Variants in PRKN observed in about 807,000 individuals in gnomAD.
The protein encoded by PRKN is parkin RBR E3 ubiquitin protein ligase.
PRKN carries 56 observed loss-of-function variants against 59.5 expected under a neutral mutation model. The ratio of observed to expected loss-of-function variants is 0.94; its 90% CI spans 0.76 to 1.18. The LOEUF is 1.18. Among genes scored for constraint, PRKN ranks in the 50% most tolerant of loss-of-function variants. The pLI is 0.00. For missense variants in PRKN, 657 were observed against 596.4 expected (o/e 1.10, Z -1.06); for synonymous variants, 250 against 222.1 (o/e 1.13, Z -1.12).
At position 161,757,884 on chromosome 6, in the gene PRKN, T is replaced by TAC. The variant is rs1789010593; in HGVS notation, c.871+27887_871+27888insGT. Among the ~76,000 whole-genome samples, 5 of 97,842 alleles carry TAC rather than the reference T, an allele frequency of 5.1e-5. 1 individual carries two copies. In the South Asian group the frequency reaches 1.7e-3, roughly 34 times the overall value. The allele number at this position is 97,842 out of a possible 152,430, so 64.2% of individuals were successfully genotyped here. ...CTCTCTCTCTCTCTGTGTATATATA[T>TAC]ATACACACACACACACACACACACA... is the stretch of plus-strand genomic sequence containing the variant. On this transcript the variant is annotated intron_variant, in intron 7 of 11. Coordinates refer to ENST00000366898, the MANE Select transcript of PRKN (RefSeq NM_004562.3).
At position 161,395,949 on chromosome 6, in the gene PRKN, G is replaced by A. The variant is rs1786737853; in HGVS notation, c.1084-9072C>T. 6.6e-6 allele frequency among the ~76,000 whole-genome samples: 1 copy of A among 152,204 alleles called. No homozygotes were observed. Among genetic ancestry groups the A allele is most frequent in the African/African-American group, 2.4e-5 (1 of 41,438 alleles). ...GACAGCCAACAAATTAGAGGTCCAGGTTAGAGAGAAAGAAACAGTGAATGG... is the reference window on the plus strand; with the variant it reads ...GACAGCCAACAAATTAGAGGTCCAGATTAGAGAGAAAGAAACAGTGAATGG... On this transcript the variant is annotated intron_variant, in intron 9 of 11. Transcript: ENST00000366898. The surrounding 1 kb of genome is among the most constrained non-coding windows in gnomAD (Gnocchi z 5.0).
At chr6:162,124,044 T>A (rs1163205017) in intron 4 of PRKN, among the ~76,000 whole-genome samples, 1 of 152,068 alleles carries the variant, frequency 6.6e-6, no homozygotes, top group Non-Finnish European at 1.5e-5. Context: ...AACAATTGCT[T>A]CTCCCAGAAG....
chr6:162,441,136 C>T (rs761379712), intron 2 of PRKN, among the ~76,000 whole-genome samples: 6 of 151,998 alleles, frequency 3.9e-5, no homozygotes, highest in Admixed American at 6.6e-5. Flanking sequence ...TCCAAACACA[C>T]GTACTCAGCT....
At chr6:162,005,641 T>C (rs928786039) in intron 5 of PRKN, among the ~76,000 whole-genome samples, 1 of 152,130 alleles carries the variant, frequency 6.6e-6, no homozygotes, top group Admixed American at 6.6e-5. Context: ...CGAGAATGCC[T>C]CGGGCTAGAG....
intron 4 of PRKN, among the ~76,000 whole-genome samples, chr6:162,157,984 C>T (rs1335414602): frequency 1.3e-5 from 2 of 151,870 alleles, no homozygotes; most frequent in African/African-American, 2.4e-5. Context: ...TTAAAGCCTT[C>T]TATGTTTCTT....
In PRKN at chr6:161,581,814, A is replaced by G. The variant is rs1781350648; in HGVS notation, c.872-12398T>C. ...TGCAGAGGGTGTGGAAGCCATGCTA[A>G]GCTAGTGAGTTCTGACAAGGGCTCC... On this transcript the variant is annotated intron_variant, in intron 7 of 11. Transcript: ENST00000366898. The surrounding 1 kb of genome is among the most constrained non-coding windows in gnomAD (Gnocchi z 4.5). Among the ~76,000 whole-genome samples, 1 of 152,162 alleles carries G rather than the reference A, an allele frequency of 6.6e-6. No individual in the cohort carries two copies. Among genetic ancestry groups the G allele is most frequent in the African/African-American group, 2.4e-5 (1 of 41,446 alleles).
At chr6:161,389,939 G>T (rs1583008501) in intron 9 of PRKN, among the ~76,000 whole-genome samples, 2 of 152,178 alleles carry the variant, frequency 1.3e-5, no homozygotes, top group African/African-American at 2.4e-5. Context: ...GGACTATTGA[G>T]AAATAAGAGA....
At chr6:161,755,454 C>T (rs532677724) in intron 7 of PRKN, among the ~76,000 whole-genome samples, 5 of 151,918 alleles carry the variant, frequency 3.3e-5, no homozygotes, top group African/African-American at 1.2e-4. Context: ...TCAGTAATAT[C>T]GAAGGGTTAT....
At chr6:162,142,574 T>C (rs1781834903) in intron 4 of PRKN, among the ~76,000 whole-genome samples, 1 of 152,192 alleles carries the variant, frequency 6.6e-6, no homozygotes, top group Admixed American at 6.5e-5. Context: ...GGATTTTTTA[T>C]TTATGCAATA....
At chr6:162,720,384 T>C (rs1778893077) in intron 1 of PRKN, among the ~76,000 whole-genome samples, 1 of 150,854 alleles carries the variant, frequency 6.6e-6, no homozygotes, top group East Asian at 1.9e-4. Context: ...TTGGAGAGAA[T>C]CATCAAGAAG....
At chr6:161,986,000 C>T (rs1037847004) in intron 5 of PRKN, among the ~76,000 whole-genome samples, 4 of 152,202 alleles carry the variant, frequency 2.6e-5, no homozygotes, top group Non-Finnish European at 5.9e-5. Context: ...CCTGTTTTAG[C>T]TAGTCCTCAA....
chr6:161,976,205 G>T (rs567008808), intron 5 of PRKN, among the ~76,000 whole-genome samples: 1 of 152,154 alleles, frequency 6.6e-6, no homozygotes, highest in African/African-American at 2.4e-5. Context: ...GTGCCTGGCT[G>T]AGTGTGCCAT....
chr6:161,569,346 C>A lies in PRKN; in HGVS notation c.933+9G>T. On this transcript the variant is annotated intron_variant, in intron 8 of 11. Coordinates refer to ENST00000366898, the MANE Select transcript of PRKN (RefSeq NM_004562.3). ...ACAGTCTGATGCAGCCTTTGAGATG[C>A]TCACTCACCTGCTCTTCTCCCAGAA... is the stretch of plus-strand genomic sequence containing the variant. The A allele has an allele frequency of 6.2e-7, 1 of 1,611,264 alleles. No homozygotes were observed. The highest frequency in any genetic ancestry group is 1.1e-5 in the South Asian group (1 of 91,006).
At position 161,447,014 on chromosome 6, in the gene PRKN, C is replaced by A. The variant is rs957480543; in HGVS notation, c.1084-60137G>T. Among the ~76,000 whole-genome samples, 10 of 152,126 alleles carry A rather than the reference C, an allele frequency of 6.6e-5. No individual in the cohort carries two copies. Among genetic ancestry groups the A allele is most frequent in the African/African-American group, 2.2e-4 (9 of 41,422 alleles). On this transcript the variant is annotated intron_variant, in intron 9 of 11. Transcript: ENST00000366898. This position sits in a 1 kb window ranked among gnomAD's most constrained non-coding sequence, Gnocchi z 4.1. The stretch of plus-strand genomic sequence containing the variant: ...TCCCCCTTAAGGCTAAATAGGATTT[C>A]TTTTCTGTTAGCTATGGGTAGGTGA...
chr6:161,370,776 G>C (rs990839071), intron 10 of PRKN, among the ~76,000 whole-genome samples: 10 of 152,132 alleles, frequency 6.6e-5, no homozygotes, highest in Non-Finnish European at 5.9e-5. Flanking sequence ...ATTTAAGCCT[G>C]TTTTCCAAAA....
chr6:161,360,855 CG>C lies in PRKN; in HGVS notation c.1168-651del, dbSNP rs561914137. Among the ~76,000 whole-genome samples the C allele has an allele frequency of 1.0e-3, 152 of 152,248 alleles. No homozygotes were observed. Among genetic ancestry groups the C allele is most frequent in the Non-Finnish European group, 1.6e-3 (109 of 68,016 alleles). ...GGTTCAAATCCCAGCTCTACCCAGACGGGTGACTCTGGAAACATTCCCTAAG... is the reference window on the plus strand; with the variant it reads ...GGTTCAAATCCCAGCTCTACCCAGACGGTGACTCTGGAAACATTCCCTAAG... On this transcript the variant is annotated intron_variant, in intron 10 of 11. Transcript: ENST00000366898. The surrounding 1 kb of genome is among the most constrained non-coding windows in gnomAD (Gnocchi z 5.1).
intron 4 of PRKN, among the ~76,000 whole-genome samples, chr6:162,133,565 T>C (rs926238274): frequency 4.6e-5 from 7 of 151,980 alleles, no homozygotes; most frequent in African/African-American, 1.7e-4. Context: ...GGGAGAGAAA[T>C]AGGGCTGGAA....
intron 9 of PRKN, among the ~76,000 whole-genome samples, chr6:161,490,112 G>T (rs1777492213): frequency 6.6e-6 from 1 of 152,150 alleles, no homozygotes; most frequent in Non-Finnish European, 1.5e-5. Context: ...AATGACGTAA[G>T]CATTTTCCTC....
chr6:162,114,271 T>C (rs1300700676), intron 4 of PRKN, among the ~76,000 whole-genome samples: 1 of 152,018 alleles, frequency 6.6e-6, no homozygotes, highest in Admixed American at 6.6e-5. Flanking sequence ...GGTAGCTTGA[T>C]GGGGATGGCA....
Sources: allele counts gnomAD v4.1 joint callset (sites outside exome capture counted in the v4.1 genomes callset), GRCh38; gene constraint gnomAD v4.1.1; non-coding constraint Gnocchi (gnomAD v3.1); transcripts MANE v1.5; gene names NCBI Gene and HGNC (gene_info 2026-07-23, HGNC 2026-07-21).